The following CYRIA variants were observed in gnomAD, a reference collection of about 807,000 sequenced individuals.
CYRIA encodes the protein CYFIP related Rac1 interactor A.
In CYRIA, 15 loss-of-function variants were observed where a neutral mutation model predicts 43.9. The ratio of observed to expected loss-of-function variants is 0.34; its 90% CI spans 0.23 to 0.53. The LOEUF (loss-of-function observed/expected upper bound fraction) is 0.53, where lower values mean the gene tolerates loss of function less well. Ranked by LOEUF, CYRIA falls within the 20% of genes least tolerant of loss-of-function variation. The pLI is 0.94. For synonymous variants in CYRIA, 117 were observed against 136.0 expected (o/e 0.86, Z 0.97); for missense variants, 236 against 394.2 (o/e 0.60, Z 3.40).
chr2:16,649,832 T>C (rs1037865807), intron 1 of CYRIA, among the ~76,000 whole-genome samples: 1 of 152,180 alleles, frequency 6.6e-6, no homozygotes, highest in Non-Finnish European at 1.5e-5. Context: ...ATCCTGCTGG[T>C]TGCCAGATGA....
At chr2:16,554,862 T>A (rs1301666402) in intron 11 of CYRIA, among the ~76,000 whole-genome samples, 3 of 152,206 alleles carry the variant, frequency 2.0e-5, no homozygotes, top group Non-Finnish European at 4.4e-5. Flanking sequence ...TTTGGCAAGT[T>A]ATTTGACTTC....
intron 1 of CYRIA, among the ~76,000 whole-genome samples, chr2:16,645,406 G>A (rs6706997): frequency 1.3e-5 from 2 of 152,116 alleles, no homozygotes; most frequent in Admixed American, 6.5e-5. Context: ...AAAACGAAGC[G>A]GATATGCACC....
chr2:16,659,355 C>T lies in CYRIA; in HGVS notation c.-167+6425G>A, dbSNP rs72777957. 7.6e-3 allele frequency among the ~76,000 whole-genome samples: 1,151 copies of T among 152,366 alleles called. 9 individuals are homozygous for T. The highest frequency in any genetic ancestry group is 0.014 in the Middle Eastern group (4 of 294). ...AGGTGACATTCTGCAAATTCCTTAA[C>T]ACCTCTGGACTTCCATTCGCCCATC... On this transcript the variant is annotated intron_variant, in intron 1 of 11. Transcript: ENST00000381323.
In CYRIA at chr2:16,561,055, T is replaced by C. The variant is rs926193085; in HGVS notation, c.645A>G (p.Pro215=). Residue 215 remains proline, a synonymous_variant, in exon 9 of 12, where the codon CCA becomes CCG. Transcript: ENST00000381323. ...TGAGGCAGTCTGTGGTGTTCTCTAT[T>C]GGCAGAGTTTTGTTCTAAATGGGAG... The part of the protein sequence containing the change: ...MHFVSENKTL[P]IENTTDCLST... 6.2e-7 allele frequency: 1 copy of C among 1,613,782 alleles called. No homozygotes were observed. Among genetic ancestry groups the C allele is most frequent in the East Asian group, 2.2e-5 (1 of 44,864 alleles).
intron 2 of CYRIA, among the ~76,000 whole-genome samples, chr2:16,614,295 A>G (rs1275959610): frequency 6.6e-6 from 1 of 152,218 alleles, no homozygotes; most frequent in African/African-American, 2.4e-5. Context: ...GAAATCTGCA[A>G]TCCACAAGAG....
At chr2:16,567,230 C>T (rs1040020707) in intron 3 of CYRIA, among the ~76,000 whole-genome samples, 2 of 152,020 alleles carry the variant, frequency 1.3e-5, no homozygotes, top group African/African-American at 4.8e-5. Flanking sequence ...ATGGTGAAAC[C>T]CCGTCTCTAC....
intron 3 of CYRIA, among the ~76,000 whole-genome samples, chr2:16,566,796 A>G (rs1176159408): frequency 1.3e-5 from 2 of 152,114 alleles, no homozygotes; most frequent in Non-Finnish European, 2.9e-5. Context: ...GGTAGTAAAG[A>G]TTGGGTTTTA....
At chr2:16,633,296 T>G (rs953285059) in intron 1 of CYRIA, among the ~76,000 whole-genome samples, 7 of 152,186 alleles carry the variant, frequency 4.6e-5, no homozygotes, top group African/African-American at 1.7e-4. Flanking sequence ...AAGTGTTCTC[T>G]GATACCCACC....
At chr2:16,645,204 T>A (rs1210347706) in intron 1 of CYRIA, among the ~76,000 whole-genome samples, 4 of 152,210 alleles carry the variant, frequency 2.6e-5, no homozygotes, top group Non-Finnish European at 5.9e-5. Flanking sequence ...ATGTTCAGCA[T>A]TTGCTAGCCT....
At chr2:16,606,182 C>T (rs1030580172) in intron 2 of CYRIA, among the ~76,000 whole-genome samples, 5 of 152,266 alleles carry the variant, frequency 3.3e-5, no homozygotes, top group African/African-American at 1.2e-4. Context: ...TCACTTTCCA[C>T]TCTTTCCAAA....
At chr2:16,641,584 T>C (rs1669678795) in intron 1 of CYRIA, among the ~76,000 whole-genome samples, 1 of 152,222 alleles carries the variant, frequency 6.6e-6, no homozygotes, top group Non-Finnish European at 1.5e-5. Context: ...TCTAGACACC[T>C]TGCTTTTCTC....
At chr2:16,579,453 T>G (rs867341572) in intron 3 of CYRIA, among the ~76,000 whole-genome samples, 1,527 of 143,140 alleles carry the variant, frequency 0.011, 24 homozygotes, top group African/African-American at 0.036. Flanking sequence ...ACACTCGCTC[T>G]CTCTCTCTCT....
chr2:16,575,052 G>A (rs1667284642), intron 3 of CYRIA, among the ~76,000 whole-genome samples: 1 of 152,210 alleles, frequency 6.6e-6, no homozygotes, highest in Non-Finnish European at 1.5e-5. Context: ...CAAAGCTAAA[G>A]GCGCAGAGAT....
At chr2:16,605,835 G>A (rs1184879292) in intron 2 of CYRIA, among the ~76,000 whole-genome samples, 1 of 152,146 alleles carries the variant, frequency 6.6e-6, no homozygotes, top group Non-Finnish European at 1.5e-5. Flanking sequence ...AACCCTCTGA[G>A]AGCAGAGCTG....
chr2:16,613,009 G>T (rs1231919530), intron 2 of CYRIA, among the ~76,000 whole-genome samples: 3 of 152,206 alleles, frequency 2.0e-5, no homozygotes, highest in African/African-American at 7.2e-5. Flanking sequence ...CGTGTAAGAT[G>T]TGACTTTGCT....
intron 1 of CYRIA, among the ~76,000 whole-genome samples, chr2:16,652,764 C>T (rs1299400987): frequency 2.0e-5 from 3 of 152,158 alleles, no homozygotes; most frequent in Non-Finnish European, 2.9e-5. Flanking sequence ...ATCGGATGAG[C>T]AGTTAATCCC....
In CYRIA at chr2:16,555,051, C is replaced by A; in HGVS notation, c.908+18G>T. Reference sequence around the variant, plus strand: ...AGGCTGGCTGTTCCCTGTGAGCTGACACAGGGTTGAAGCTCACCTGAGGGC... The same window carrying A: ...AGGCTGGCTGTTCCCTGTGAGCTGAAACAGGGTTGAAGCTCACCTGAGGGC... On this transcript the variant is annotated intron_variant, in intron 11 of 11. Transcript: ENST00000381323. 5 of 1,609,322 alleles carry A rather than the reference C, an allele frequency of 3.1e-6. No homozygotes were observed. The highest frequency in any genetic ancestry group is 4.5e-5 in the East Asian group (2 of 44,736).
At chr2:16,555,255 C>T (rs144048726) in intron 10 of CYRIA, 116 bp from the exon 11 acceptor site, 155 of 992,908 alleles carry the variant, frequency 1.6e-4, no homozygotes, top group Middle Eastern at 1.2e-3. Context: ...AGAAATCCAA[C>T]GCAGAAATGA....
chr2:16,624,712 C>T (rs1044642266), intron 1 of CYRIA, among the ~76,000 whole-genome samples: 2 of 152,132 alleles, frequency 1.3e-5, no homozygotes, highest in Non-Finnish European at 2.9e-5. Context: ...TTCCTGGCTC[C>T]TGTGCATTTG....
Sources: allele counts gnomAD v4.1 joint callset (sites outside exome capture counted in the v4.1 genomes callset), GRCh38; gene constraint gnomAD v4.1.1; transcripts MANE v1.5; gene names NCBI Gene and HGNC (gene_info 2026-07-23, HGNC 2026-07-21).